Variants in HIVEP1 observed in about 807,000 individuals in gnomAD.
HIVEP1 encodes HIVEP zinc finger 1, also known as zinc finger protein 40.
A neutral mutation model predicts 180.0 loss-of-function variants in HIVEP1; 36 were observed. That is an observed-to-expected ratio of 0.20 (90% confidence interval 0.15 to 0.26). The LOEUF (loss-of-function observed/expected upper bound fraction) is 0.26. Among genes scored for constraint, HIVEP1 ranks in the 10% least tolerant of loss-of-function variants. HIVEP1 has a pLI of 1.00. For synonymous variants in HIVEP1, 1,239 were observed against 1,239.0 expected, an observed-to-expected ratio of 1.00 and a Z score of 0.00; for missense variants, 3,143 against 3,268.7, an observed-to-expected ratio of 0.96 and a Z score of 0.94.
Position 12,117,552 on chromosome 6 carries a change from C to G in HIVEP1, c.95-2338C>G, listed in dbSNP as rs981361823. Among the ~76,000 whole-genome samples the G allele has an allele frequency of 7.9e-5, 12 of 152,266 alleles. No individual in the cohort carries two copies. In the East Asian group the frequency reaches 2.3e-3, roughly 29 times the overall value. On this transcript the variant is annotated intron_variant, in intron 3 of 8. Transcript: ENST00000379388. ...TTGTTGTTGTTGTTTAAATCACATA[C>G]AGTATTTCTGGGTTGAAATTTTGCA...
the HIVEP1 span, among the ~76,000 whole-genome samples, chr6:12,203,395 G>A: frequency 2.4e-4 from 37 of 152,160 alleles, no homozygotes; most frequent in African/African-American, 7.2e-4. Flanking sequence ...AGTGGCAGTC[G>A]GCATAGTTTT....
At chr6:12,203,612 A>C in the HIVEP1 span, among the ~76,000 whole-genome samples, 1 of 151,798 alleles carries the variant, frequency 6.6e-6, no homozygotes, top group Non-Finnish European at 1.5e-5. Flanking sequence ...AGGAAGAGAC[A>C]AAAAAAAGTC....
chr6:12,204,357 T>TCCTCCCTTCCCTGTCTTCCTCTTTTA, the HIVEP1 span, among the ~76,000 whole-genome samples: 17 of 3,608 alleles, frequency 4.7e-3, no homozygotes, highest in African/African-American at 9.2e-3. Flanking sequence ...TGTTCAAGCT[T>TCCTCCCTTCCCTGTCTTCCTCTTTTA]CCTCCCTTCC....
At chr6:12,024,034 CT>C (rs1037989093) in intron 2 of HIVEP1, among the ~76,000 whole-genome samples, 52 of 152,250 alleles carry the variant, frequency 3.4e-4, no homozygotes, top group African/African-American at 1.3e-3. Context: ...ATATTTAACT[CT>C]TTAAAAACAT....
At chr6:12,041,008 A>G (rs1488023475) in intron 2 of HIVEP1, among the ~76,000 whole-genome samples, 3 of 152,210 alleles carry the variant, frequency 2.0e-5, no homozygotes, top group South Asian at 4.1e-4. Flanking sequence ...GGGCATTACA[A>G]TACAACATGA....
At chr6:12,154,530 C>G (rs758461406) in intron 7 of HIVEP1, among the ~76,000 whole-genome samples, 4 of 152,076 alleles carry the variant, frequency 2.6e-5, no homozygotes, top group Non-Finnish European at 5.9e-5. Flanking sequence ...TATTTACTTA[C>G]AATAGAATTT....
downstream of HIVEP1, among the ~76,000 whole-genome samples, chr6:12,167,859 A>G (rs934593441): frequency 3.5e-5 from 5 of 144,474 alleles, no homozygotes; most frequent in African/African-American, 1.3e-4. Flanking sequence ...AGATGTGCGT[A>G]TATAATATAT....
rs1234094058 is a variant in HIVEP1 at position 12,131,003 on chromosome 6, C to T, written c.6385+61C>T. 4.4e-6 allele frequency: 5 copies of T among 1,128,214 alleles called. No homozygotes were observed. The Admixed American group carries it at 1.2e-4, about 26-fold the overall frequency. 69.9% of individuals were successfully genotyped at this position (1,128,214 alleles called of 1,614,324 possible). A position where few individuals can be genotyped will look rare whatever the true frequency, so the allele number is the denominator to read the frequency against. On this transcript the variant is annotated intron_variant, in intron 6 of 8. Transcript: ENST00000379388. ...ATGTATTTAGGTGGGAAAGCTAAAACCCAACTGTGCGTTTTCTTTGACCGA... is the reference window on the plus strand; with the variant it reads ...ATGTATTTAGGTGGGAAAGCTAAAATCCAACTGTGCGTTTTCTTTGACCGA...
At chr6:12,059,263 C>A (rs1771074933) in intron 2 of HIVEP1, among the ~76,000 whole-genome samples, 1 of 152,176 alleles carries the variant, frequency 6.6e-6, no homozygotes, top group Admixed American at 6.5e-5. Context: ...GTCTCCAACT[C>A]CTGACCTCAA....
chr6:12,142,028 G>A (rs565038657), intron 7 of HIVEP1, among the ~76,000 whole-genome samples: 2 of 152,156 alleles, frequency 1.3e-5, no homozygotes, highest in African/African-American at 2.4e-5. Context: ...TCTGCACCAA[G>A]CAGACCTAAG....
In HIVEP1 at chr6:12,164,589, T is replaced by C; in HGVS notation, c.*128T>C. On this transcript the variant is annotated 3_prime_UTR_variant, in exon 9 of 9. Coordinates refer to ENST00000379388, the MANE Select transcript of HIVEP1 (RefSeq NM_002114.4). ...TAATCTTTGTGCAATCATGAACTTT[T>C]GACCAATAATTGTTGTTTTGTGTCA... 2 of 757,724 alleles carry C rather than the reference T, an allele frequency of 2.6e-6. No homozygotes were observed. Among genetic ancestry groups the C allele is most frequent in the Non-Finnish European group, 4.1e-6 (2 of 486,196 alleles). 46.9% of individuals were successfully genotyped at this position (757,724 alleles called of 1,614,324 possible). A position where few individuals can be genotyped will look rare whatever the true frequency, so the allele number is the denominator to read the frequency against.
At chr6:12,142,574 G>GA (rs1334340543) in intron 7 of HIVEP1, among the ~76,000 whole-genome samples, 2 of 150,818 alleles carry the variant, frequency 1.3e-5, no homozygotes, top group Admixed American at 6.6e-5. Context: ...AAAAACCCTT[G>GA]AAAAAATCAA....
the HIVEP1 span, among the ~76,000 whole-genome samples, chr6:12,210,795 G>GA: frequency 6.6e-6 from 1 of 152,002 alleles, no homozygotes; most frequent in Non-Finnish European, 1.5e-5. Context: ...TCTTTCTACA[G>GA]AAAAAAAGAA....
At chr6:12,187,429 C>T in the HIVEP1 span, among the ~76,000 whole-genome samples, 78 of 152,084 alleles carry the variant, frequency 5.1e-4, no homozygotes, top group Non-Finnish European at 9.0e-4. Flanking sequence ...GAGAGCCTGG[C>T]ACCTCACCCA....
At chr6:12,069,883 T>A (rs1771854003) in intron 2 of HIVEP1, among the ~76,000 whole-genome samples, 1 of 152,102 alleles carries the variant, frequency 6.6e-6, no homozygotes, top group African/African-American at 2.4e-5. Context: ...AAATATTTTT[T>A]ATATTCTTAT....
In HIVEP1 at chr6:12,161,638, CGAG is replaced by C; in HGVS notation, c.6690_6692del (p.Glu2230del). ...GCCTTCAGGACCCTGTGAGTACTGA[CGAG>C]GATGTCAGGATCACCGATTGCTTTT... On this transcript the variant is annotated inframe_deletion, in exon 8 of 9. Coordinates refer to ENST00000379388, the MANE Select transcript of HIVEP1 (RefSeq NM_002114.4). 1 of 1,614,032 alleles carries C rather than the reference CGAG, an allele frequency of 6.2e-7. No homozygotes were observed. Among genetic ancestry groups the C allele is most frequent in the Non-Finnish European group, 8.5e-7 (1 of 1,179,942 alleles).
chr6:12,211,737 G>C, the HIVEP1 span, among the ~76,000 whole-genome samples: 3 of 151,978 alleles, frequency 2.0e-5, no homozygotes, highest in Non-Finnish European at 4.4e-5. Flanking sequence ...AATTAGTTTG[G>C]TCCATGGTGA....
At chr6:12,210,359 C>T in the HIVEP1 span, among the ~76,000 whole-genome samples, 1 of 152,194 alleles carries the variant, frequency 6.6e-6, no homozygotes, top group South Asian at 2.1e-4. Context: ...TTTTGATTCG[C>T]TGGTATAATT....
chr6:12,180,396 G>C, the HIVEP1 span, among the ~76,000 whole-genome samples: 9,455 of 152,134 alleles, frequency 0.062, 376 homozygotes, highest in Non-Finnish European at 0.08. Flanking sequence ...CATCTACTGA[G>C]GAGAAAGAGT....
Sources: allele counts gnomAD v4.1 joint callset (sites outside exome capture counted in the v4.1 genomes callset), GRCh38; gene constraint gnomAD v4.1.1; transcripts MANE v1.5; gene names NCBI Gene and HGNC (gene_info 2026-07-23, HGNC 2026-07-21).